Variants in SIPA1L2 observed in about 807,000 individuals in gnomAD.
SIPA1L2 encodes the protein signal induced proliferation associated 1 like 2, also known as signal-induced proliferation-associated 1-like protein 2.
Under a neutral mutation model 163.9 loss-of-function variants are expected in SIPA1L2, and 56 were observed. The observed-to-expected ratio is 0.34, with a 90% CI of 0.28 to 0.43. The LOEUF (loss-of-function observed/expected upper bound fraction) is 0.43, where lower values mean the gene tolerates loss of function less well. Among genes scored for constraint, SIPA1L2 ranks in the 20% least tolerant of loss-of-function variants. SIPA1L2 has a pLI of 1.00. For missense variants in SIPA1L2, 1,974 were observed against 2,193.5 expected (o/e 0.90, Z 2.00); for synonymous variants, 877 against 865.7 (o/e 1.01, Z -0.23).
chr1:232,498,380 T>G (rs1666303703), intron 3 of SIPA1L2, among the ~76,000 whole-genome samples: 1 of 152,242 alleles, frequency 6.6e-6, no homozygotes, highest in African/African-American at 2.4e-5. Context: ...TTTATAAAAC[T>G]GAGAACTTAT....
rs191172180 is a variant in SIPA1L2, at chr1:232,480,582, A to T, written c.1982-852T>A. On this transcript the variant is annotated intron_variant, in intron 6 of 22. Coordinates refer to ENST00000674635, the MANE Select transcript of SIPA1L2 (RefSeq NM_020808.5). ...TTGAAACTAACCTGCTGACTATAAA[A>T]TAGTTAAGTAATTTTGGAGTAAAGT... 1.1e-3 allele frequency among the ~76,000 whole-genome samples: 171 copies of T among 152,328 alleles called. 1 individual carries two copies. The highest frequency in any genetic ancestry group is 3.7e-3 in the African/African-American group (152 of 41,584).
chr1:232,410,124 G>C (rs749946818), intron 19 of SIPA1L2, among the ~76,000 whole-genome samples: 1 of 151,840 alleles, frequency 6.6e-6, no homozygotes, highest in Non-Finnish European at 1.5e-5. Flanking sequence ...AAATTAAAGG[G>C]CACGGTCTCA....
At chr1:232,467,336 G>T (rs748138215) in intron 8 of SIPA1L2, among the ~76,000 whole-genome samples, 1 of 152,202 alleles carries the variant, frequency 6.6e-6, no homozygotes, top group East Asian at 1.9e-4. Context: ...CTTGACTTAC[G>T]GGCTTAAATG....
chr1:232,445,691 G>A lies in SIPA1L2; in HGVS notation c.3191C>T (p.Thr1064Ile), dbSNP rs1354438277. ...CEYKTPFRRNTTWHRVPTPAL... is the reference protein window; with the variant it reads ...CEYKTPFRRNITWHRVPTPAL... ...AGGAGTGGGCACCCGGTGCCACGTG[G>A]TGTTCCTCCTGAAGGGGGTTTTATA... Residue 1064 changes from threonine to isoleucine, a missense_variant, in exon 11 of 23, where the codon ACC becomes ATC. Thr to Ile is a moderately conservative substitution (Grantham distance 89). Around this residue, in one of 3 missense-constraint regions of SIPA1L2, gnomAD observed 1,079 missense variants for 1,150.7 expected, o/e 0.94. Transcript: ENST00000674635. The A allele has an allele frequency of 1.2e-6, 2 of 1,613,644 alleles. No homozygotes were observed. The highest frequency in any genetic ancestry group is 1.7e-6 in the Non-Finnish European group (2 of 1,179,814).
At chr1:232,595,299 C>A (rs1279626933) in intron 1 of SIPA1L2, among the ~76,000 whole-genome samples, 1 of 152,108 alleles carries the variant, frequency 6.6e-6, no homozygotes, top group African/African-American at 2.4e-5. Flanking sequence ...AGCCTCGGGG[C>A]AACAAAGAAG....
intron 6 of SIPA1L2, 40 bp from the exon 7 acceptor site, chr1:232,479,770 T>C (rs944073727): frequency 6.4e-7 from 1 of 1,556,314 alleles, no homozygotes; most frequent in Admixed American, 1.7e-5. Context: ...GGTAAGCTGC[T>C]ACAAAATTAG....
At chr1:232,462,407 T>C in intron 9 of SIPA1L2, 1 of 1,455,222 alleles carries the variant, frequency 6.9e-7, no homozygotes, top group Non-Finnish European at 9.0e-7. Flanking sequence ...ATAAGACCTA[T>C]GACAGTAAGT....
intron 3 of SIPA1L2, among the ~76,000 whole-genome samples, chr1:232,505,112 T>C (rs1485365285): frequency 2.0e-5 from 3 of 152,136 alleles, no homozygotes. Flanking sequence ...GGAAGGCAGA[T>C]TATTAAAGGC....
chr1:232,402,522 A>G (rs1379169123), intron 21 of SIPA1L2, 49 bp from the exon 22 acceptor site: 2 of 1,547,558 alleles, frequency 1.3e-6, no homozygotes, highest in African/African-American at 1.4e-5. Context: ...TCAATCGAGC[A>G]TTTTTGTTGG....
chr1:232,539,019 G>A (rs1657481523), intron 2 of SIPA1L2, among the ~76,000 whole-genome samples: 1 of 152,186 alleles, frequency 6.6e-6, no homozygotes. Context: ...ATTGCTGGGG[G>A]AAGTAGCAGT....
intron 3 of SIPA1L2, among the ~76,000 whole-genome samples, chr1:232,510,256 A>T (rs2103035812): frequency 6.6e-6 from 1 of 152,084 alleles, no homozygotes; most frequent in Non-Finnish European, 1.5e-5. Context: ...ATGAATAAAG[A>T]TATATATCTA....
chr1:232,500,865 A>C (rs1367013348), intron 3 of SIPA1L2, among the ~76,000 whole-genome samples: 1 of 152,036 alleles, frequency 6.6e-6, no homozygotes, highest in African/African-American at 2.4e-5. Context: ...ATCTTTCCTA[A>C]AAAAGATTCA....
chr1:232,425,643 G>A lies in SIPA1L2; in HGVS notation c.4576C>T (p.His1526Tyr). The A allele has an allele frequency of 1.9e-6, 3 of 1,612,722 alleles. No individual in the cohort carries two copies. Among genetic ancestry groups the A allele is most frequent in the Non-Finnish European group, 2.5e-6 (3 of 1,179,620 alleles). ...TGGGCCCGCGGAGGCAGCGTGCTGT[G>A]GTAGGGTGGGGTGGTGCTGAACAGA... ...DILFSTTPPY[H>Y]STLPPRAHPA... Residue 1526 changes from histidine to tyrosine, a missense_variant, in exon 18 of 23, where the codon CAC becomes TAC. By Grantham distance (83) the His-to-Tyr change is moderately conservative. Around this residue, in one of 3 missense-constraint regions of SIPA1L2, gnomAD observed 1,079 missense variants for 1,150.7 expected, o/e 0.94. Coordinates refer to ENST00000674635, the MANE Select transcript of SIPA1L2 (RefSeq NM_020808.5).
intron 2 of SIPA1L2, among the ~76,000 whole-genome samples, chr1:232,563,071 C>G (rs1573087557): frequency 6.6e-6 from 1 of 152,026 alleles, no homozygotes; most frequent in African/African-American, 2.4e-5. Context: ...GGTGGGGGAG[C>G]CTCCTTGTAG....
At chr1:232,568,726 C>T (rs2102768009) in intron 2 of SIPA1L2, among the ~76,000 whole-genome samples, 1 of 152,252 alleles carries the variant, frequency 6.6e-6, no homozygotes, top group East Asian at 1.9e-4. Context: ...AACACATTAT[C>T]TCTTTCTATA....
intron 2 of SIPA1L2, among the ~76,000 whole-genome samples, chr1:232,546,563 C>T (rs1054952962): frequency 2.0e-5 from 3 of 152,280 alleles, no homozygotes; most frequent in Middle Eastern, 3.4e-3. Flanking sequence ...ATCACAGACA[C>T]GCTCTAACCT....
At chr1:232,457,027 G>A (rs1322689053) in intron 10 of SIPA1L2, among the ~76,000 whole-genome samples, 1 of 152,096 alleles carries the variant, frequency 6.6e-6, no homozygotes, top group South Asian at 2.1e-4. Context: ...TTCCCTTCAC[G>A]CTGAGGGACA....
intron 14 of SIPA1L2, 135 bp from the exon 15 acceptor site, chr1:232,439,631 A>G (rs1662772108): frequency 3.9e-6 from 4 of 1,023,220 alleles, no homozygotes; most frequent in East Asian, 4.8e-5. Flanking sequence ...GGGCAATGAC[A>G]GGACTTCCTT....
At chr1:232,508,528 C>T (rs1340011698) in intron 3 of SIPA1L2, among the ~76,000 whole-genome samples, 1 of 152,232 alleles carries the variant, frequency 6.6e-6, no homozygotes, top group Non-Finnish European at 1.5e-5. Flanking sequence ...AAGCCTGCTG[C>T]TCTGCTACAA....
Sources: gnomAD v4.1 joint callset for allele counts (sites outside exome capture counted in the v4.1 genomes callset) on GRCh38, gnomAD v4.1.1 for gene constraint, gnomAD v4.1.1 regional missense constraint, MANE v1.5 for transcripts, NCBI Gene and HGNC (gene_info 2026-07-23, HGNC 2026-07-21) for gene names.